The following ANKIB1 variants were observed in gnomAD, a reference collection of about 807,000 sequenced individuals.
ANKIB1 encodes ankyrin repeat and IBR domain-containing protein 1.
A neutral mutation model predicts 122.1 loss-of-function variants in ANKIB1; 43 were observed. The observed-to-expected ratio is 0.35, with a 90% CI of 0.28 to 0.45. The LOEUF (loss-of-function observed/expected upper bound fraction) is 0.45, where lower values mean the gene tolerates loss of function less well. Among genes scored for constraint, ANKIB1 ranks in the 20% least tolerant of loss-of-function variants. The pLI, the probability that ANKIB1 is intolerant of heterozygous loss-of-function variation, is 1.00. For missense variants in ANKIB1, 992 were observed against 1,329.5 expected, an observed-to-expected ratio of 0.75 and a Z score of 3.95; for synonymous variants, 390 against 442.0, an observed-to-expected ratio of 0.88 and a Z score of 1.48.
rs552272051 is a variant in ANKIB1 at position 92,356,460 on chromosome 7, G to A, written c.1397+3818G>A. On this transcript the variant is annotated intron_variant, in intron 9 of 19. Coordinates refer to ENST00000265742, the MANE Select transcript of ANKIB1 (RefSeq NM_019004.2). ...ATAAAAACATGATACTACTTATTTG[G>A]CAGTTCAATCATAAGACCTTATTTA... 6.2e-4 allele frequency among the ~76,000 whole-genome samples: 94 copies of A among 152,252 alleles called. No homozygotes were observed. The South Asian group carries it at 0.016, about 26-fold the overall frequency.
chr7:92,258,080 A>T (rs1470101585), intron 1 of ANKIB1, among the ~76,000 whole-genome samples: 2 of 152,208 alleles, frequency 1.3e-5, no homozygotes, highest in African/African-American at 4.8e-5. Flanking sequence ...TTCCGATTTG[A>T]AAAACATTAC....
intron 1 of ANKIB1, among the ~76,000 whole-genome samples, chr7:92,251,439 A>AT (rs1801329106): frequency 6.6e-6 from 1 of 152,202 alleles, no homozygotes; most frequent in Non-Finnish European, 1.5e-5. Context: ...GCAATAGGTG[A>AT]TTCACATTTG....
At chr7:92,266,791 C>T (rs1025357223) in intron 1 of ANKIB1, among the ~76,000 whole-genome samples, 1 of 152,156 alleles carries the variant, frequency 6.6e-6, no homozygotes, top group Non-Finnish European at 1.5e-5. Flanking sequence ...TATTAGCATC[C>T]ACACATGGCA....
In ANKIB1 at chr7:92,388,190, C is replaced by T. The variant is rs957359862; in HGVS notation, c.1906+149C>T. 1.5e-5 allele frequency: 11 copies of T among 744,456 alleles called. No homozygotes were observed. The Admixed American group carries it at 2.9e-4, about 20-fold the overall frequency. 46.1% of individuals were successfully genotyped at this position (744,456 alleles called of 1,614,324 possible). ...GAGTTCTTTGAAGCCCTGAGTGCAGCTTAGCAGATGAGGCCTCTGTGATTG... is the reference window on the plus strand; with the variant it reads ...GAGTTCTTTGAAGCCCTGAGTGCAGTTTAGCAGATGAGGCCTCTGTGATTG... On this transcript the variant is annotated intron_variant, in intron 14 of 19. Coordinates refer to ENST00000265742, the MANE Select transcript of ANKIB1 (RefSeq NM_019004.2).
chr7:92,325,977 A>G, intron 4 of ANKIB1: 1 of 447,834 alleles, frequency 2.2e-6, no homozygotes, highest in Non-Finnish European at 4.5e-6. Context: ...TGAAAATGGA[A>G]GCAGTTTATC....
intron 2 of ANKIB1, among the ~76,000 whole-genome samples, chr7:92,303,257 T>TA (rs1802490178): frequency 6.6e-6 from 1 of 152,202 alleles, no homozygotes; most frequent in Non-Finnish European, 1.5e-5. Flanking sequence ...GCATTACACT[T>TA]ACCTAGTTGA....
rs1805002487 is a variant in ANKIB1 at position 92,401,065 on chromosome 7, G to A, written c.*2116G>A. The stretch of plus-strand genomic sequence containing the variant: ...CTTGTGCAGTATCCTTTATTTCTGT[G>A]CTGTTCTCTCCTGAGCATGAAAAAT... On this transcript the variant is annotated 3_prime_UTR_variant, in exon 20 of 20. Transcript: ENST00000265742. The A allele has an allele frequency of 1.3e-5, 2 of 152,154 alleles. No homozygotes were observed. Among genetic ancestry groups the A allele is most frequent in the Non-Finnish European group, 2.9e-5 (2 of 68,034 alleles). The allele number at this position is 152,154 out of a possible 1,614,324, so 9.4% of individuals were successfully genotyped here. A position where few individuals can be genotyped will look rare whatever the true frequency, so the allele number is the denominator to read the frequency against.
chr7:92,316,086 C>T (rs967310990), intron 3 of ANKIB1, among the ~76,000 whole-genome samples: 10 of 152,056 alleles, frequency 6.6e-5, no homozygotes, highest in African/African-American at 1.2e-4. Flanking sequence ...AGATGTGCTG[C>T]GATCATGATA....
At chr7:92,375,142 A>G (rs1297774481) in intron 11 of ANKIB1, among the ~76,000 whole-genome samples, 2 of 152,232 alleles carry the variant, frequency 1.3e-5, no homozygotes, top group African/African-American at 4.8e-5. Context: ...AAAAATGCTA[A>G]CTATTATCTG....
chr7:92,385,793 G>A lies in ANKIB1; in HGVS notation c.1618-716G>A, dbSNP rs368577208. Among the ~76,000 whole-genome samples, 47 of 152,232 alleles carry A rather than the reference G, an allele frequency of 3.1e-4. 1 individual carries two copies. The highest frequency in any genetic ancestry group is 9.6e-4 in the African/African-American group (40 of 41,550). ...AATACCTAATGTAAATGACAAGTTAGTGGGTGCAGCAAACCAACACGGGAC... is the reference window on the plus strand; with the variant it reads ...AATACCTAATGTAAATGACAAGTTAATGGGTGCAGCAAACCAACACGGGAC... On this transcript the variant is annotated intron_variant, in intron 11 of 19. Transcript: ENST00000265742.
At chr7:92,386,385 A>C (rs1253315588) in intron 11 of ANKIB1, 124 bp from the exon 12 acceptor site, 10 of 1,062,876 alleles carry the variant, frequency 9.4e-6, no homozygotes, top group Non-Finnish European at 1.0e-5. Flanking sequence ...CATGTCTTTG[A>C]GAAGATTTAT....
At chr7:92,288,492 T>G (rs1008112102) in intron 1 of ANKIB1, among the ~76,000 whole-genome samples, 1 of 152,190 alleles carries the variant, frequency 6.6e-6, no homozygotes, top group Non-Finnish European at 1.5e-5. Flanking sequence ...AATTGGCTTT[T>G]TACAAAGATT....
intron 5 of ANKIB1, among the ~76,000 whole-genome samples, chr7:92,328,458 A>G (rs944235621): frequency 2.0e-5 from 3 of 152,108 alleles, no homozygotes; most frequent in African/African-American, 7.2e-5. Context: ...GACATAACTA[A>G]CTTTATATAA....
At chr7:92,360,792 G>A (rs1054764563) in intron 9 of ANKIB1, among the ~76,000 whole-genome samples, 4 of 152,274 alleles carry the variant, frequency 2.6e-5, no homozygotes, top group Admixed American at 2.6e-4. Context: ...TATAATCGAT[G>A]CATTCTTAAT....
chr7:92,256,448 A>G (rs1562761498), intron 1 of ANKIB1, among the ~76,000 whole-genome samples: 1 of 152,230 alleles, frequency 6.6e-6, no homozygotes, highest in Non-Finnish European at 1.5e-5. Flanking sequence ...GTATTAGTCA[A>G]ATATCTCTTG....
chr7:92,383,219 T>C (rs1804559400), intron 11 of ANKIB1, among the ~76,000 whole-genome samples: 1 of 152,108 alleles, frequency 6.6e-6, no homozygotes, highest in Non-Finnish European at 1.5e-5. Flanking sequence ...AATAGACCAA[T>C]AATAGGCTCT....
At position 92,398,788 on chromosome 7, in the gene ANKIB1, A is replaced by G. The variant is rs909145767; in HGVS notation, c.3109A>G (p.Ile1037Val). Residue 1037 changes from isoleucine to valine, a missense_variant, in exon 20 of 20, where the codon ATA becomes GTA. Ile to Val is a conservative substitution (Grantham distance 29). Coordinates refer to ENST00000265742, the MANE Select transcript of ANKIB1 (RefSeq NM_019004.2). ...TGTCAGTGAAGGTAGAGGAACCCAG[A>G]TAGAAGAAAATCCTTTGGAAGAAAA... ...ASVSEGRGTQ[I>V]EENPLEENIL... 6.2e-7 allele frequency: 1 copy of G among 1,611,556 alleles called. No individual in the cohort carries two copies. Among genetic ancestry groups the G allele is most frequent in the Admixed American group, 1.7e-5 (1 of 59,614 alleles).
intron 1 of ANKIB1, among the ~76,000 whole-genome samples, chr7:92,265,409 A>T (rs1801651495): frequency 6.6e-6 from 1 of 152,224 alleles, no homozygotes; most frequent in African/African-American, 2.4e-5. Flanking sequence ...AAAGAGAAAA[A>T]AAAAGAGGAA....
intron 11 of ANKIB1, among the ~76,000 whole-genome samples, chr7:92,372,275 A>C (rs1361549581): frequency 1.3e-5 from 2 of 152,192 alleles, no homozygotes; most frequent in African/African-American, 4.8e-5. Flanking sequence ...TATTCCCTAA[A>C]CAATGCAGTA....
Sources: allele counts gnomAD v4.1 joint callset (sites outside exome capture counted in the v4.1 genomes callset), GRCh38; gene constraint gnomAD v4.1.1; transcripts MANE v1.5; gene names NCBI Gene and HGNC (gene_info 2026-07-23, HGNC 2026-07-21).